Variants in NKAIN3 observed in about 807,000 individuals in gnomAD.
The protein encoded by NKAIN3 is sodium/potassium transporting ATPase interacting 3.
NKAIN3 carries 25 observed loss-of-function variants against 30.2 expected under a neutral mutation model. The observed-to-expected ratio is 0.83, with a 90% CI of 0.60 to 1.16. The LOEUF (loss-of-function observed/expected upper bound fraction) is 1.16, where lower values mean the gene tolerates loss of function less well. NKAIN3 is among the 50% of genes most tolerant of loss of function. NKAIN3 has a pLI of 0.00. For synonymous variants in NKAIN3, 91 were observed against 89.6 expected (o/e 1.02, Z -0.09); for missense variants, 225 against 254.1 (o/e 0.89, Z 0.78).
intron 4 of NKAIN3, among the ~76,000 whole-genome samples, chr8:62,789,329 CTGTT>C (rs545302475): frequency 1.8e-4 from 28 of 152,106 alleles, no homozygotes; most frequent in Non-Finnish European, 3.8e-4. Flanking sequence ...ATTTGGCTCT[CTGTT>C]TGTCTGTTAC....
intron 2 of NKAIN3, among the ~76,000 whole-genome samples, chr8:62,583,900 C>CA (rs1334889628): frequency 6.6e-6 from 1 of 152,046 alleles, no homozygotes; most frequent in African/African-American, 2.4e-5. Context: ...AATCTGTTCA[C>CA]AAAAATTGCC....
At chr8:62,997,163 G>C (rs1804136107) in intron 5 of NKAIN3, among the ~76,000 whole-genome samples, 1 of 152,116 alleles carries the variant, frequency 6.6e-6, no homozygotes, top group African/African-American at 2.4e-5. Context: ...TTTACTGAAA[G>C]AAATATTAAG....
At chr8:62,690,484 C>T (rs944102049) in intron 3 of NKAIN3, among the ~76,000 whole-genome samples, 15 of 152,190 alleles carry the variant, frequency 9.9e-5, no homozygotes, top group Non-Finnish European at 2.1e-4. Flanking sequence ...TACTATGCTA[C>T]GGCAGATGTA....
intron 1 of NKAIN3, among the ~76,000 whole-genome samples, chr8:62,321,973 C>T (rs1011212536): frequency 3.9e-5 from 6 of 152,296 alleles, no homozygotes; most frequent in African/African-American, 1.4e-4. Context: ...GCGGTGGGCT[C>T]TACCGAGTTC....
chr8:62,425,703 A>G (rs1233018770), intron 1 of NKAIN3, among the ~76,000 whole-genome samples: 1 of 151,282 alleles, frequency 6.6e-6, no homozygotes, highest in African/African-American at 2.5e-5. Flanking sequence ...TAATTTGGCT[A>G]GAAAAATTAT....
chr8:62,429,039 T>G (rs1259214625), intron 1 of NKAIN3, among the ~76,000 whole-genome samples: 2 of 151,986 alleles, frequency 1.3e-5, no homozygotes, highest in African/African-American at 4.8e-5. Flanking sequence ...GCTTCATTCT[T>G]CTGCATATGG....
intron 1 of NKAIN3, among the ~76,000 whole-genome samples, chr8:62,352,049 T>C (rs184105859): frequency 7.9e-5 from 12 of 152,264 alleles, no homozygotes; most frequent in South Asian, 2.1e-4. Flanking sequence ...CTGGCAACAC[T>C]AACCAGGCAG....
chr8:62,350,786 GT>G (rs1475380488), intron 1 of NKAIN3, among the ~76,000 whole-genome samples: 6 of 151,972 alleles, frequency 3.9e-5, no homozygotes, highest in Non-Finnish European at 5.9e-5. Flanking sequence ...TGCCTCCCGG[GT>G]TCAAGCGATT....
At chr8:62,453,276 G>A (rs975525230) in intron 1 of NKAIN3, among the ~76,000 whole-genome samples, 1 of 152,040 alleles carries the variant, frequency 6.6e-6, no homozygotes, top group African/African-American at 2.4e-5. Context: ...CTGTTTCTGA[G>A]TGACTTCTGG....
chr8:62,424,291 A>G (rs1210578977), intron 1 of NKAIN3, among the ~76,000 whole-genome samples: 1 of 152,018 alleles, frequency 6.6e-6, no homozygotes, highest in Non-Finnish European at 1.5e-5. Context: ...AATCACAGGC[A>G]AGAAAAGCAA....
chr8:62,657,035 TAC>T (rs1278672160), intron 3 of NKAIN3, among the ~76,000 whole-genome samples: 1 of 152,238 alleles, frequency 6.6e-6, no homozygotes, highest in Non-Finnish European at 1.5e-5. Flanking sequence ...GAGGCTATGT[TAC>T]AGTTTATTCC....
At chr8:62,547,492 A>G (rs1809055765) in intron 1 of NKAIN3, among the ~76,000 whole-genome samples, 1 of 152,216 alleles carries the variant, frequency 6.6e-6, no homozygotes, top group African/African-American at 2.4e-5. Flanking sequence ...ATTTCTGATC[A>G]AACTGAAAAA....
intron 4 of NKAIN3, among the ~76,000 whole-genome samples, chr8:62,903,807 C>T (rs1056222112): frequency 3.9e-4 from 59 of 152,120 alleles, no homozygotes; most frequent in African/African-American, 1.4e-3. Context: ...GGCACCTTTT[C>T]ACAGGGTGGC....
intron 3 of NKAIN3, among the ~76,000 whole-genome samples, chr8:62,713,561 T>C (rs551170235): frequency 2.6e-5 from 4 of 151,288 alleles, no homozygotes; most frequent in Non-Finnish European, 5.9e-5. Flanking sequence ...GCAACAACAA[T>C]GTCACTAATA....
chr8:62,961,595 A>T (rs1310082640), intron 6 of NKAIN3, among the ~76,000 whole-genome samples: 1 of 152,224 alleles, frequency 6.6e-6, no homozygotes, highest in African/African-American at 2.4e-5. Context: ...AACTTTTTTT[A>T]AAACAGAACT....
At chr8:62,410,087 A>T (rs1350358091) in intron 1 of NKAIN3, among the ~76,000 whole-genome samples, 1 of 150,738 alleles carries the variant, frequency 6.6e-6, no homozygotes, top group Non-Finnish European at 1.5e-5. Context: ...TAATTTTGGG[A>T]CCCCCTCCTC....
intron 1 of NKAIN3, among the ~76,000 whole-genome samples, chr8:62,266,924 A>G (rs376343150): frequency 2.6e-5 from 4 of 152,200 alleles, no homozygotes; most frequent in South Asian, 2.1e-4. Context: ...CACACTGCCT[A>G]TGGGGTAACC....
chr8:62,661,243 C>A (rs946113503), intron 3 of NKAIN3, among the ~76,000 whole-genome samples: 1 of 152,098 alleles, frequency 6.6e-6, no homozygotes, highest in Non-Finnish European at 1.5e-5. Context: ...CCTTCACAAT[C>A]GAGAGAAGGT....
intron 3 of NKAIN3, among the ~76,000 whole-genome samples, chr8:62,662,815 A>G (rs1812986524): frequency 6.6e-6 from 1 of 152,238 alleles, no homozygotes; most frequent in African/African-American, 2.4e-5. Flanking sequence ...TTGGGAGATG[A>G]TTCAGTGATG....
Sources: gnomAD v4.1 joint callset for allele counts (sites outside exome capture counted in the v4.1 genomes callset) on GRCh38, gnomAD v4.1.1 for gene constraint, MANE v1.5 for transcripts, NCBI Gene and HGNC (gene_info 2026-07-23, HGNC 2026-07-21) for gene names.